GSR: variants seen among roughly 807,000 people sequenced by gnomAD.
The protein encoded by GSR is glutathione-disulfide reductase, also known as glutathione reductase, mitochondrial.
A neutral mutation model predicts 56.5 loss-of-function variants in GSR; 48 were observed. That is an observed-to-expected ratio of 0.85 (90% CI 0.67 to 1.08). GSR has a LOEUF of 1.08. GSR is among the 50% of genes least tolerant of loss of function. The pLI, the probability that GSR is intolerant of heterozygous loss-of-function variation, is 0.00. For missense variants in GSR, 694 were observed against 703.3 expected, an observed-to-expected ratio of 0.99 and a Z score of 0.15; for synonymous variants, 264 against 270.8, an observed-to-expected ratio of 0.97 and a Z score of 0.25.
rs1803435367 is a variant in GSR, at chr8:30,692,900, T to C, written c.882+69A>G. 5 of 936,852 alleles carry C rather than the reference T, an allele frequency of 5.3e-6. No homozygotes were observed. In the South Asian group the frequency reaches 6.4e-5, roughly 12 times the overall value. 58.0% of individuals were successfully genotyped at this position (936,852 alleles called of 1,614,324 possible). ...ATAGTGTTTGTGTTTTTAAACTAACTGGGCGAAGCCACAAGCAGAAAGTGT... is the reference window on the plus strand; with the variant it reads ...ATAGTGTTTGTGTTTTTAAACTAACCGGGCGAAGCCACAAGCAGAAAGTGT... On this transcript the variant is annotated intron_variant, in intron 8 of 12. Transcript: ENST00000221130.
chr8:30,713,884 A>AT (rs1804241176), intron 1 of GSR, among the ~76,000 whole-genome samples: 1 of 152,214 alleles, frequency 6.6e-6, no homozygotes, highest in African/African-American at 2.4e-5. Context: ...AAGCTTGGTG[A>AT]TAACGGGTAA....
intron 3 of GSR, among the ~76,000 whole-genome samples, chr8:30,709,543 G>A (rs975906381): frequency 6.6e-6 from 1 of 152,182 alleles, no homozygotes; most frequent in Non-Finnish European, 1.5e-5. Flanking sequence ...GGGCCAGGGG[G>A]AGAAGAGAAT....
chr8:30,705,558 G>A (rs949738493), intron 4 of GSR, among the ~76,000 whole-genome samples: 8 of 151,970 alleles, frequency 5.3e-5, no homozygotes, highest in Admixed American at 1.3e-4. Flanking sequence ...CACCGCGCCC[G>A]GCCTCTACAA....
Position 30,684,129 on chromosome 8 carries a change from T to C in GSR, c.1112A>G (p.Tyr371Cys), listed in dbSNP as rs370557536. The C allele has an allele frequency of 6.2e-7, 1 of 1,607,082 alleles. No individual in the cohort carries two copies. The highest frequency in any genetic ancestry group is 1.3e-5 in the African/African-American group (1 of 74,908). ...TTTTCCACATACATCCCCAACTGCA[T>C]AGATGCCTTTGACGTTGGTATTCTG... ...EFQNTNVKGI[Y>C]AVGDVCGKAL... Residue 371 changes from tyrosine (Y) to cysteine (C), a missense_variant, in exon 10 of 13, where the codon TAT (tyrosine) becomes TGT (cysteine). Tyr to Cys is a radical substitution (Grantham distance 194). Transcript: ENST00000221130.
chr8:30,680,123 C>T (rs1429791329), intron 12 of GSR, among the ~76,000 whole-genome samples: 1 of 152,164 alleles, frequency 6.6e-6, no homozygotes, highest in Non-Finnish European at 1.5e-5. Context: ...TGTTTATCAA[C>T]TGAATGAATG....
chr8:30,718,012 A>G (rs550534039), intron 1 of GSR, among the ~76,000 whole-genome samples: 3 of 152,120 alleles, frequency 2.0e-5, no homozygotes, highest in South Asian at 2.1e-4. Context: ...GAGGCAGGAG[A>G]ATCGCTTGAA....
chr8:30,700,804 G>A (rs990670171), intron 5 of GSR, among the ~76,000 whole-genome samples: 27 of 147,630 alleles, frequency 1.8e-4, no homozygotes, highest in African/African-American at 6.4e-4. Flanking sequence ...AACCTATATG[G>A]TGTACACATT....
In GSR at chr8:30,700,098, C is replaced by G. The variant is rs974991975; in HGVS notation, c.678G>C (p.Gln226His). ...TGGCTTACCCGGGCAATTCTTCCAGCTGAAAAAATCCATCGCTGGTTATTC... is the reference window on the plus strand; with the variant it reads ...TGGCTTACCCGGGCAATTCTTCCAGGTGAAAAAATCCATCGCTGGTTATTC... ...SLGITSDGFF[Q>H]LEELPGRSVI... Residue 226 changes from glutamine (Q) to histidine (H), a missense_variant, in exon 6 of 13, where the codon CAG becomes CAC. Transcript: ENST00000221130. 1.9e-5 allele frequency: 30 copies of G among 1,613,514 alleles called. No individual in the cohort carries two copies. The highest frequency in any genetic ancestry group is 2.5e-5 in the Non-Finnish European group (30 of 1,179,462).
intron 4 of GSR, among the ~76,000 whole-genome samples, 199 bp from the exon 5 acceptor site, chr8:30,703,439 C>T (rs1388672079): frequency 6.6e-6 from 1 of 151,912 alleles, no homozygotes; most frequent in Non-Finnish European, 1.5e-5. Context: ...CATTAGTTGC[C>T]GGAAGTATAC....
chr8:30,700,216 C>A, intron 5 of GSR, 81 bp from the exon 6 acceptor site: 1 of 1,006,484 alleles, frequency 9.9e-7, no homozygotes, highest in South Asian at 1.3e-5. Context: ...TGCCAAAAAC[C>A]AAACACTTTC....
chr8:30,680,822 T>C lies in GSR; in HGVS notation c.1419+82A>G. The C allele has an allele frequency of 2.4e-6, 3 of 1,262,138 alleles. No homozygotes were observed. The South Asian group carries it at 3.6e-5, about 15-fold the overall frequency. 78.2% of individuals were successfully genotyped at this position (1,262,138 alleles called of 1,614,324 possible). On this transcript the variant is annotated intron_variant, in intron 12 of 12. Transcript: ENST00000221130. ...AATCAGAAGGCTCAACTGCTTGGTC[T>C]CCCTCCTTTCCACCCCTGCAAAATA... is the stretch of plus-strand genomic sequence containing the variant.
chr8:30,705,987 A>C (rs1803905526), intron 4 of GSR, among the ~76,000 whole-genome samples: 1 of 152,094 alleles, frequency 6.6e-6, no homozygotes, highest in African/African-American at 2.4e-5. Context: ...GCTGCTACTG[A>C]GATCACAGTG....
Position 30,712,093 on chromosome 8 carries a change from A to AG in GSR, c.307-6_307-5insC. Reference sequence around the variant, plus strand: ...GGGTACACATCCAACATTCACCTGGAAAAAAAAAAAAGAGACACACTTTAA... The same window carrying AG: ...GGGTACACATCCAACATTCACCTGGAGAAAAAAAAAAAGAGACACACTTTAA... On this transcript the variant is annotated splice_region_variant and splice_polypyrimidine_tract_variant and intron_variant, in intron 1 of 12. Coordinates refer to ENST00000221130, the MANE Select transcript of GSR (RefSeq NM_000637.5). The AG allele has an allele frequency of 1.7e-6, 1 of 604,602 alleles. No individual in the cohort carries two copies. Among genetic ancestry groups the AG allele is most frequent in the Non-Finnish European group, 2.4e-6 (1 of 424,382 alleles). The allele number at this position is 604,602 out of a possible 1,614,324, so 37.5% of individuals were successfully genotyped here. A position where few individuals can be genotyped will look rare whatever the true frequency, so the allele number is the denominator to read the frequency against.
chr8:30,689,395 G>A (rs1413595578), intron 8 of GSR, 76 bp from the exon 9 acceptor site: 3 of 1,193,922 alleles, frequency 2.5e-6, no homozygotes, highest in Non-Finnish European at 3.8e-6. Context: ...CAAATACAGA[G>A]GAAACTAGAA....
At position 30,724,131 on chromosome 8, in the gene GSR, G is replaced by A. The variant is rs530531035; in HGVS notation, c.306+3399C>T. The stretch of plus-strand genomic sequence containing the variant: ...TCACGCCTGTAATCCTAACACTTTC[G>A]GAGACCAAAGCAGGAGGATTGCTTG... On this transcript the variant is annotated intron_variant, in intron 1 of 12. Transcript: ENST00000221130. Among the ~76,000 whole-genome samples, 54 of 152,172 alleles carry A rather than the reference G, an allele frequency of 3.5e-4. 1 individual carries two copies. The highest frequency in any genetic ancestry group is 1.7e-3 in the South Asian group (8 of 4,814).
chr8:30,685,104 T>C (rs985493771), intron 9 of GSR, among the ~76,000 whole-genome samples: 5 of 151,646 alleles, frequency 3.3e-5, no homozygotes, highest in African/African-American at 1.2e-4. Flanking sequence ...GGACTACAGG[T>C]GCCCGCCGCC....
intron 8 of GSR, among the ~76,000 whole-genome samples, chr8:30,690,363 T>A (rs7461402): frequency 6.6e-6 from 1 of 152,074 alleles, no homozygotes; most frequent in East Asian, 1.9e-4. Context: ...TCTTGTTATG[T>A]TGCCCAGGCT....
At chr8:30,720,754 G>A (rs979189084) in intron 1 of GSR, among the ~76,000 whole-genome samples, 3 of 152,110 alleles carry the variant, frequency 2.0e-5, no homozygotes, top group Non-Finnish European at 4.4e-5. Flanking sequence ...AACAAAGGCT[G>A]TTTTTGTTCA....
At chr8:30,717,894 G>A (rs917171972) in intron 1 of GSR, among the ~76,000 whole-genome samples, 27 of 152,192 alleles carry the variant, frequency 1.8e-4, no homozygotes, top group African/African-American at 6.5e-4. Flanking sequence ...GAGGTCAGGA[G>A]TTCAAGACCA....
Sources: gnomAD v4.1 joint callset for allele counts (sites outside exome capture counted in the v4.1 genomes callset) on GRCh38, gnomAD v4.1.1 for gene constraint, MANE v1.5 for transcripts, NCBI Gene and HGNC (gene_info 2026-07-23, HGNC 2026-07-21) for gene names.